LPP: variants seen among roughly 807,000 people sequenced by gnomAD.
LPP encodes the protein lipoma-preferred partner.
LPP carries 38 observed loss-of-function variants against 60.4 expected under a neutral mutation model. The observed-to-expected ratio is 0.63, with a 90% CI of 0.49 to 0.83. The LOEUF is 0.83. Among genes scored for constraint, LPP ranks in the 40% least tolerant of loss-of-function variants. The probability of loss-of-function intolerance (pLI) is 0.00; values close to 1 mark genes in which losing one functional copy is unlikely to be tolerated. For missense variants in LPP, 902 were observed against 783.6 expected (o/e 1.15, Z -1.80); for synonymous variants, 328 against 290.8 (o/e 1.13, Z -1.30).
chr3:188,881,887 G>T lies in LPP; in HGVS notation c.*7408G>T, dbSNP rs771377315. 3 of 216,632 alleles carry T rather than the reference G, an allele frequency of 1.4e-5. No homozygotes were observed. Among genetic ancestry groups the T allele is most frequent in the African/African-American group, 2.3e-5 (1 of 44,384 alleles). 13.4% of individuals were successfully genotyped at this position (216,632 alleles called of 1,614,324 possible). ...ATATTTGCTGGTTGATTGATTTCGAGATTCATTCATTCTGTGCTCAAATAT... is the reference window on the plus strand; with the variant it reads ...ATATTTGCTGGTTGATTGATTTCGATATTCATTCATTCTGTGCTCAAATAT... On this transcript the variant is annotated 3_prime_UTR_variant, in exon 12 of 12. Transcript: ENST00000617246.
intron 4 of LPP, among the ~76,000 whole-genome samples, chr3:188,415,345 A>G (rs996698314): frequency 6.6e-6 from 1 of 152,120 alleles, no homozygotes; most frequent in Non-Finnish European, 1.5e-5. Context: ...CATGTGCAAA[A>G]TTTTGTAGCC....
chr3:188,732,547 G>T (rs763330239), intron 8 of LPP, among the ~76,000 whole-genome samples: 1 of 151,780 alleles, frequency 6.6e-6, no homozygotes, highest in Non-Finnish European at 1.5e-5. Flanking sequence ...GTGAAACCCC[G>T]TCTCTACTAA....
Position 188,572,197 on chromosome 3 carries a change from G to A in LPP, c.430-36964G>A, listed in dbSNP as rs7626058. Among the ~76,000 whole-genome samples, 47,847 of 151,900 alleles carry A rather than the reference G, an allele frequency of 0.31. 7,868 individuals are homozygous for A. The highest frequency in any genetic ancestry group is 0.36 in the Middle Eastern group (106 of 294). ...GTTGCACTTATATTTTGCTTTTTAT[G>A]TATGTAGAGGGGTGACATATGATAA... On this transcript the variant is annotated intron_variant, in intron 6 of 11. Transcript: ENST00000617246. The surrounding 1 kb of genome is among the most constrained non-coding windows in gnomAD (Gnocchi z 4.1).
intron 2 of LPP, among the ~76,000 whole-genome samples, chr3:188,240,550 A>T (rs534095122): frequency 6.6e-6 from 1 of 152,320 alleles, no homozygotes; most frequent in African/African-American, 2.4e-5. Flanking sequence ...TGCCTAGAGT[A>T]GTTGAGAGCT....
intron 3 of LPP, among the ~76,000 whole-genome samples, chr3:188,393,277 T>C (rs967576377): frequency 6.6e-6 from 1 of 152,170 alleles, no homozygotes. Context: ...GTTTCTGCTA[T>C]ATCTTGCTTT....
chr3:188,762,787 T>A (rs745605149), intron 9 of LPP, among the ~76,000 whole-genome samples: 4 of 152,144 alleles, frequency 2.6e-5, no homozygotes, highest in Non-Finnish European at 4.4e-5. Context: ...TTTTACTTCT[T>A]TCCCTCATAA....
At chr3:188,240,965 T>C (rs553854122) in intron 2 of LPP, among the ~76,000 whole-genome samples, 1 of 152,364 alleles carries the variant, frequency 6.6e-6, no homozygotes, top group African/African-American at 2.4e-5. Flanking sequence ...ATGATTCTTT[T>C]ATTTTTAAAT....
At chr3:188,804,460 A>C (rs1389888071) in intron 9 of LPP, among the ~76,000 whole-genome samples, 1 of 151,268 alleles carries the variant, frequency 6.6e-6, no homozygotes, top group Non-Finnish European at 1.5e-5. Flanking sequence ...TACAGAATGA[A>C]ATAAAGGTGG....
Position 188,685,942 on chromosome 3 carries a change from A to ATGATGATG in LPP, c.1114-22315_1114-22308dup, listed in dbSNP as rs1426814601. On this transcript the variant is annotated intron_variant, in intron 7 of 11. Transcript: ENST00000617246. ...TTGAGATCCTCATTCTTCCTCCATC[A>ATGATGATG]TGATGATGTGATGATGTAATGATGT... 2.6e-5 allele frequency among the ~76,000 whole-genome samples: 4 copies of ATGATGATG among 152,180 alleles called. No homozygotes were observed. In the East Asian group the frequency reaches 7.7e-4, roughly 29 times the overall value.
intron 6 of LPP, among the ~76,000 whole-genome samples, chr3:188,530,526 A>G (rs983088721): frequency 1.3e-5 from 2 of 152,176 alleles, no homozygotes; most frequent in African/African-American, 2.4e-5. Flanking sequence ...CTCTTATTCT[A>G]CAGATGGAAA....
chr3:188,261,897 A>G (rs964113097), intron 2 of LPP, among the ~76,000 whole-genome samples: 1 of 152,226 alleles, frequency 6.6e-6, no homozygotes, highest in African/African-American at 2.4e-5. Context: ...AGCTTGGGTC[A>G]CAGAGTGCAA....
rs1463318065 is a variant in LPP at position 188,825,269 on chromosome 3, C to CTCTCTGTGTGTGTGTGTGTG, written c.1411-40930_1411-40929insCTCTGTGTGTGTGTGTGTGT. On this transcript the variant is annotated intron_variant, in intron 9 of 11. Transcript: ENST00000617246. ...TCTTTCTCTCTCTCTCTCTCTCTCTCTGTGTGTGTGTGTGTGTGTGTGTGT... is the reference window on the plus strand; with the variant it reads ...TCTTTCTCTCTCTCTCTCTCTCTCTCTCTCTGTGTGTGTGTGTGTGTGTGTGTGTGTGTGTGTGTGTGTGT... Among the ~76,000 whole-genome samples, 35 of 101,750 alleles carry CTCTCTGTGTGTGTGTGTGTG rather than the reference C, an allele frequency of 3.4e-4. No individual in the cohort carries two copies. The East Asian group carries it at 4.8e-3, about 14-fold the overall frequency. The allele number at this position is 101,750 out of a possible 152,430, so 66.8% of individuals were successfully genotyped here.
At position 188,884,941 on chromosome 3, in the gene LPP, C is replaced by T. The variant is rs1360658108; in HGVS notation, c.*10462C>T. 4.6e-5 allele frequency: 10 copies of T among 218,728 alleles called. No homozygotes were observed. The East Asian group carries it at 6.1e-4, about 13-fold the overall frequency. 13.5% of individuals were successfully genotyped at this position (218,728 alleles called of 1,614,324 possible). A position where few individuals can be genotyped will look rare whatever the true frequency, so the allele number is the denominator to read the frequency against. On this transcript the variant is annotated 3_prime_UTR_variant, in exon 12 of 12. Coordinates refer to ENST00000617246, the MANE Select transcript of LPP (RefSeq NM_001375462.1). ...GGCCTTTGCCATTTGATAGACTTTGCTTCCCAGGATGCTGTCATTTTGTGA... is the reference window on the plus strand; with the variant it reads ...GGCCTTTGCCATTTGATAGACTTTGTTTCCCAGGATGCTGTCATTTTGTGA...
intron 3 of LPP, among the ~76,000 whole-genome samples, chr3:188,347,908 T>C (rs1160466611): frequency 2.0e-5 from 3 of 152,210 alleles, no homozygotes; most frequent in African/African-American, 4.8e-5. Flanking sequence ...AGCAGGTTAA[T>C]GGCTCTCTGA....
At chr3:188,740,303 A>G (rs1723962124) in intron 8 of LPP, among the ~76,000 whole-genome samples, 1 of 152,072 alleles carries the variant, frequency 6.6e-6, no homozygotes, top group African/African-American at 2.4e-5. Flanking sequence ...CTACCTGTGG[A>G]CTTTAGAGTG....
intron 8 of LPP, among the ~76,000 whole-genome samples, chr3:188,754,489 T>C (rs1729504303): frequency 6.6e-6 from 1 of 152,168 alleles, no homozygotes; most frequent in African/African-American, 2.4e-5. Context: ...TGGGCGATAC[T>C]TGTCAGCTTT....
chr3:188,776,086 C>T (rs868197831), intron 9 of LPP, among the ~76,000 whole-genome samples: 7 of 152,248 alleles, frequency 4.6e-5, no homozygotes, highest in South Asian at 4.1e-4. Flanking sequence ...GACTTGTTCA[C>T]GCTCTCGTGG....
chr3:188,803,237 GT>G (rs1476075085), intron 9 of LPP, among the ~76,000 whole-genome samples: 2 of 151,978 alleles, frequency 1.3e-5, no homozygotes, highest in Non-Finnish European at 2.9e-5. Context: ...TAGAGATGGA[GT>G]TTTGCCCTGT....
intron 2 of LPP, among the ~76,000 whole-genome samples, chr3:188,241,988 A>G (rs576451294): frequency 1.3e-5 from 2 of 152,260 alleles, no homozygotes; most frequent in African/African-American, 4.8e-5. Flanking sequence ...CTGACGCTGT[A>G]TGTCCTCTTG....
Sources: gnomAD v4.1 joint callset for allele counts (sites outside exome capture counted in the v4.1 genomes callset) on GRCh38, gnomAD v4.1.1 for gene constraint, Gnocchi (gnomAD v3.1) non-coding constraint, MANE v1.5 for transcripts, NCBI Gene and HGNC (gene_info 2026-07-23, HGNC 2026-07-21) for gene names.